UGGT2: variants seen among roughly 807,000 people sequenced by gnomAD.
The protein encoded by UGGT2 is UDP-glucose glycoprotein glucosyltransferase 2.
UGGT2 carries 180 observed loss-of-function variants against 192.1 expected under a neutral mutation model. The ratio of observed to expected loss-of-function variants is 0.94; its 90% confidence interval spans 0.83 to 1.06. UGGT2 has a LOEUF of 1.06. Ranked by LOEUF, UGGT2 falls within the 50% of genes least tolerant of loss-of-function variation. The pLI, the probability that UGGT2 is intolerant of heterozygous loss-of-function variation, is 0.00. For synonymous variants in UGGT2, 580 were observed against 591.0 expected (o/e 0.98, Z 0.27); for missense variants, 1,849 against 1,795.7 (o/e 1.03, Z -0.54).
At chr13:95,874,621 G>A (rs1566621035) in intron 29 of UGGT2, among the ~76,000 whole-genome samples, 1 of 152,234 alleles carries the variant, frequency 6.6e-6, no homozygotes, top group East Asian at 1.9e-4. Flanking sequence ...TTAACCATGG[G>A]CGACTGAAAC....
chr13:96,044,646 T>C lies in UGGT2; in HGVS notation c.158+8509A>G, dbSNP rs138705787. Among the ~76,000 whole-genome samples the C allele has an allele frequency of 9.6e-3, 1,467 of 152,212 alleles. 21 individuals are homozygous for C. The highest frequency in any genetic ancestry group is 0.034 in the African/African-American group (1,401 of 41,534). On this transcript the variant is annotated intron_variant, in intron 1 of 38. Transcript: ENST00000376747. ...AAAGAGAAAATCCAAATAAGCTCAA[T>C]TAGAAATGAAATGGGAGCTATTACA...
chr13:96,003,519 T>C (rs1473055490), intron 5 of UGGT2, among the ~76,000 whole-genome samples: 2 of 152,222 alleles, frequency 1.3e-5, no homozygotes, highest in Non-Finnish European at 1.5e-5. Context: ...CCTTGTGACT[T>C]GCTTTGACTA....
At chr13:95,900,962 G>A (rs748849289) in intron 21 of UGGT2, 24 bp from the exon 22 acceptor site, 5 of 1,504,952 alleles carry the variant, frequency 3.3e-6, no homozygotes, top group Non-Finnish European at 4.4e-6. Flanking sequence ...TAAGACTGAT[G>A]AAACTAATAT....
chr13:95,909,373 C>A (rs1367681529), intron 20 of UGGT2, among the ~76,000 whole-genome samples: 2 of 151,520 alleles, frequency 1.3e-5, no homozygotes, highest in African/African-American at 2.4e-5. Flanking sequence ...CAATGATAGA[C>A]TGGATTAAGA....
intron 36 of UGGT2, among the ~76,000 whole-genome samples, chr13:95,845,180 A>T (rs1445877526): frequency 1.4e-3 from 195 of 135,962 alleles, no homozygotes; most frequent in African/African-American, 2.0e-3. Flanking sequence ...CCTTTCTTTT[A>T]AATTTTTTTA....
intron 17 of UGGT2, among the ~76,000 whole-genome samples, chr13:95,929,858 CAAACTGCTTT>C (rs2049183219): frequency 6.6e-6 from 1 of 152,148 alleles, no homozygotes; most frequent in Non-Finnish European, 1.5e-5. Flanking sequence ...GAAACATCTA[CAAACTGCTTT>C]CCAAAGGGGC....
intron 29 of UGGT2, among the ~76,000 whole-genome samples, chr13:95,868,668 T>G (rs932319084): frequency 2.0e-5 from 3 of 152,156 alleles, no homozygotes; most frequent in Non-Finnish European, 2.9e-5. Flanking sequence ...TCAAATTTCT[T>G]AAAAACTTTC....
At position 95,940,063 on chromosome 13, in the gene UGGT2, T is replaced by C; in HGVS notation, c.1706A>G (p.Asn569Ser). The change falls in exon 16 of 39, where the codon AAT (asparagine) becomes AGT (serine). Residue 569 changes from asparagine to serine, a missense_variant. By Grantham distance (46) the Asn-to-Ser change is conservative. Coordinates refer to ENST00000376747, the MANE Select transcript of UGGT2 (RefSeq NM_020121.4). ...HMYQKVKKDQ[N>S]ILTVDNVKSV... is the part of the protein sequence containing the mutation. ...CTTCACATTGTCCACAGTGAGTATATTTTGATCCTTCTTCACTTTTTGGTA... is the reference window on the plus strand; with the variant it reads ...CTTCACATTGTCCACAGTGAGTATACTTTGATCCTTCTTCACTTTTTGGTA... 6.5e-7 allele frequency: 1 copy of C among 1,546,442 alleles called. No homozygotes were observed. Among genetic ancestry groups the C allele is most frequent in the East Asian group, 2.4e-5 (1 of 41,198 alleles).
At chr13:95,891,271 C>T (rs1008481513) in intron 24 of UGGT2, among the ~76,000 whole-genome samples, 2 of 151,926 alleles carry the variant, frequency 1.3e-5, no homozygotes, top group Admixed American at 6.6e-5. Flanking sequence ...ATGGATTGTA[C>T]AATTTAAAAA....
chr13:95,832,193 A>T (rs900117580), intron 38 of UGGT2, among the ~76,000 whole-genome samples: 1 of 152,218 alleles, frequency 6.6e-6, no homozygotes. Context: ...TGAGAGTATT[A>T]GCCAATATAA....
chr13:95,927,652 T>C (rs2049070401), intron 17 of UGGT2, among the ~76,000 whole-genome samples: 1 of 152,084 alleles, frequency 6.6e-6, no homozygotes, highest in African/African-American at 2.4e-5. Context: ...TTTGTTTGCT[T>C]TTTTGTTGTT....
chr13:95,924,119 T>C (rs2048937099), intron 20 of UGGT2, among the ~76,000 whole-genome samples: 1 of 152,182 alleles, frequency 6.6e-6, no homozygotes, highest in Admixed American at 6.6e-5. Flanking sequence ...GTTTTTAGTT[T>C]GTGGTTCTAA....
intron 12 of UGGT2, among the ~76,000 whole-genome samples, chr13:95,964,528 C>A (rs759983607): frequency 1.3e-5 from 2 of 151,884 alleles, no homozygotes; most frequent in Admixed American, 6.6e-5. Context: ...CAAGCCTGTT[C>A]GATGGGAGAA....
At chr13:96,035,027 G>A (rs946208961) in intron 1 of UGGT2, among the ~76,000 whole-genome samples, 2 of 152,194 alleles carry the variant, frequency 1.3e-5, no homozygotes, top group African/African-American at 2.4e-5. Flanking sequence ...CCCTTATCAC[G>A]GGATCCTTAT....
intron 12 of UGGT2, among the ~76,000 whole-genome samples, chr13:95,957,532 T>C (rs1370150365): frequency 6.6e-6 from 1 of 152,166 alleles, no homozygotes; most frequent in East Asian, 1.9e-4. Context: ...AGGCACACCG[T>C]CTGAGACTGA....
At chr13:96,025,643 T>C (rs1199077487) in intron 2 of UGGT2, among the ~76,000 whole-genome samples, 1 of 152,164 alleles carries the variant, frequency 6.6e-6, no homozygotes, top group Non-Finnish European at 1.5e-5. Context: ...TCCAAGAGTC[T>C]TATGTTGTCC....
chr13:96,042,933 A>G (rs1358498305), intron 1 of UGGT2, among the ~76,000 whole-genome samples: 1 of 152,184 alleles, frequency 6.6e-6, no homozygotes, highest in Non-Finnish European at 1.5e-5. Context: ...AGTTCGGAAA[A>G]CATATTTGGG....
chr13:95,859,682 A>C lies in UGGT2; in HGVS notation c.3741-7T>G, dbSNP rs1296930791. 1 of 1,597,854 alleles carries C rather than the reference A, an allele frequency of 6.3e-7. No individual in the cohort carries two copies. Among genetic ancestry groups the C allele is most frequent in the Non-Finnish European group, 8.5e-7 (1 of 1,170,548 alleles). On this transcript the variant is annotated splice_polypyrimidine_tract_variant and splice_region_variant and intron_variant, in intron 32 of 38. Transcript: ENST00000376747. ...AACAGAAAGCATCATAATTCTGTAT[A>C]AAAGAATATTAAACCCAATATACAT...
At chr13:95,900,358 T>C (rs912102838) in intron 22 of UGGT2, among the ~76,000 whole-genome samples, 1 of 152,118 alleles carries the variant, frequency 6.6e-6, no homozygotes, top group Non-Finnish European at 1.5e-5. Context: ...TATTAATAAA[T>C]ACTACATGGC....
Sources: allele counts gnomAD v4.1 joint callset (sites outside exome capture counted in the v4.1 genomes callset), GRCh38; gene constraint gnomAD v4.1.1; transcripts MANE v1.5; gene names NCBI Gene and HGNC (gene_info 2026-07-23, HGNC 2026-07-21).